RUVBL1: variants seen among roughly 807,000 people sequenced by gnomAD.
RUVBL1 encodes the protein RuvB like AAA ATPase 1.
A neutral mutation model predicts 52.4 loss-of-function variants in RUVBL1; 4 were observed. The ratio of observed to expected loss-of-function variants is 0.08; its 90% CI spans 0.04 to 0.17. The LOEUF is 0.17. RUVBL1 is among the 10% of genes least tolerant of loss of function. The pLI, the probability that RUVBL1 is intolerant of heterozygous loss-of-function variation, is 1.00. For synonymous variants in RUVBL1, 217 were observed against 214.4 expected (o/e 1.01, Z -0.10); for missense variants, 298 against 572.8 (o/e 0.52, Z 4.90).
chr3:128,125,250 C>G (rs969856114), upstream of RUVBL1, among the ~76,000 whole-genome samples: 16 of 151,900 alleles, frequency 1.1e-4, no homozygotes, highest in African/African-American at 3.6e-4. Context: ...CTCCTGACCT[C>G]GTGATCCGCC....
chr3:128,093,643 A>G (rs1032920369), intron 8 of RUVBL1, among the ~76,000 whole-genome samples: 1 of 152,206 alleles, frequency 6.6e-6, no homozygotes, highest in Non-Finnish European at 1.5e-5. Context: ...CTATACCTCA[A>G]TATGAAGAGA....
chr3:128,085,960 C>G (rs904425898), intron 9 of RUVBL1, among the ~76,000 whole-genome samples: 1 of 152,210 alleles, frequency 6.6e-6, no homozygotes, highest in Non-Finnish European at 1.5e-5. Flanking sequence ...TAGCCACTGA[C>G]TAATGTTATG....
intron 5 of RUVBL1, 47 bp downstream of exon 5, chr3:128,101,512 A>C (rs766208182): frequency 2.5e-6 from 4 of 1,573,166 alleles, no homozygotes; most frequent in Non-Finnish European, 3.5e-6. Context: ...AGGTCTTCTC[A>C]TGGCAAACAA....
In RUVBL1 at chr3:128,147,366, T is replaced by C. The variant is rs144498922; in HGVS notation, c.-40+5837A>G. On this transcript the variant is annotated intron_variant, in intron 1 of 9. Coordinates refer to the RUVBL1 transcript ENST00000464873. The stretch of plus-strand genomic sequence containing the variant: ...ATTACAGGCATGAGCCACCACATCC[T>C]GCAAGAAAAGCTAAAATTAAAAACA... Among the ~76,000 whole-genome samples, 1,047 of 152,220 alleles carry C rather than the reference T, an allele frequency of 6.9e-3. 14 individuals are homozygous for C. Among genetic ancestry groups the C allele is most frequent in the African/African-American group, 0.023 (966 of 41,528 alleles).
chr3:128,067,500 G>C lies in RUVBL1; in HGVS notation c.940-2280C>G. The stretch of plus-strand genomic sequence containing the variant: ...TACCTGTCCCCTCCAGAATCTTTTG[G>C]CTCCGTGTTAGAAGACCCGGTCCAT... On this transcript the variant is annotated intron_variant, in intron 9 of 9. Transcript: ENST00000464873. The surrounding 1 kb of genome is among the most constrained non-coding windows in gnomAD (Gnocchi z 4.1). 6.2e-7 allele frequency: 1 copy of C among 1,614,100 alleles called. No homozygotes were observed. The highest frequency in any genetic ancestry group is 1.1e-5 in the South Asian group (1 of 91,088).
chr3:128,085,856 G>C (rs963234828), intron 9 of RUVBL1, among the ~76,000 whole-genome samples: 1 of 152,228 alleles, frequency 6.6e-6, no homozygotes, highest in African/African-American at 2.4e-5. Flanking sequence ...TGAGATGAGA[G>C]ATTTCTAGCA....
At chr3:128,087,463 G>A (rs1259238173) in intron 9 of RUVBL1, among the ~76,000 whole-genome samples, 5 of 152,170 alleles carry the variant, frequency 3.3e-5, no homozygotes, top group Non-Finnish European at 7.3e-5. Flanking sequence ...GCAGAAAAGC[G>A]AACAGCCAAG....
chr3:128,128,455 G>A (rs56050323), upstream of RUVBL1, among the ~76,000 whole-genome samples: 21,525 of 152,166 alleles, frequency 0.14, 1,736 homozygotes, highest in African/African-American at 0.21. Flanking sequence ...GTCCTTCTAT[G>A]ATGTGGCTCT....
At chr3:128,069,428 CG>C in intron 9 of RUVBL1, 2 of 1,570,756 alleles carry the variant, frequency 1.3e-6, no homozygotes. Flanking sequence ...GCCTGGCTCA[CG>C]GGGAGCTCTG....
At chr3:128,098,184 C>T (rs578184131) in intron 7 of RUVBL1, among the ~76,000 whole-genome samples, 2 of 152,202 alleles carry the variant, frequency 1.3e-5, no homozygotes, top group South Asian at 4.1e-4. Flanking sequence ...GGGAGCAGCT[C>T]ACAAATAGAA....
intron 1 of RUVBL1, among the ~76,000 whole-genome samples, chr3:128,141,638 A>T (rs932247180): frequency 2.6e-5 from 4 of 152,300 alleles, no homozygotes; most frequent in African/African-American, 2.4e-5. Flanking sequence ...CTGGGATTAC[A>T]GATGCCCACT....
At position 128,081,114 on chromosome 3, in the gene RUVBL1, TC is replaced by T; in HGVS notation, c.*135del. The stretch of plus-strand genomic sequence containing the variant: ...TACGATAACTTAAAAAGAAATGCTT[TC>T]CACACTGAACTGACAGCGCTGCAGA... On this transcript the variant is annotated 3_prime_UTR_variant, in exon 11 of 11. Coordinates refer to ENST00000322623, the MANE Select transcript of RUVBL1 (RefSeq NM_003707.3). This position sits in a 1 kb window ranked among gnomAD's most constrained non-coding sequence, Gnocchi z 4.8. 1.3e-6 allele frequency: 1 copy of T among 774,586 alleles called. No individual in the cohort carries two copies. The highest frequency in any genetic ancestry group is 2.0e-6 in the Non-Finnish European group (1 of 493,430). 48.0% of individuals were successfully genotyped at this position (774,586 alleles called of 1,614,324 possible).
At chr3:128,121,296 A>T (rs1463991862) in intron 1 of RUVBL1, among the ~76,000 whole-genome samples, 1 of 151,558 alleles carries the variant, frequency 6.6e-6, no homozygotes, top group East Asian at 2.0e-4. Context: ...GGGTTTCGTC[A>T]TGTTGGCCAG....
rs746436666 is a variant in RUVBL1, at chr3:128,101,541, T to C, written c.603+18A>G. 1.2e-6 allele frequency: 2 copies of C among 1,609,332 alleles called. No homozygotes were observed. The highest frequency in any genetic ancestry group is 1.7e-6 in the Non-Finnish European group (2 of 1,175,834). On this transcript the variant is annotated intron_variant, in intron 5 of 10. Transcript: ENST00000322623. ...CAAACAAATCAGGGACAATGCTGTG[T>C]CCCAAGGAAGGCATTACCTTCACGG...
chr3:128,148,294 G>A (rs1023729441), intron 1 of RUVBL1, among the ~76,000 whole-genome samples: 1 of 152,166 alleles, frequency 6.6e-6, no homozygotes. Flanking sequence ...TGGTAGAGAT[G>A]TTCAGAGGGG....
intron 7 of RUVBL1, 83 bp downstream of exon 7, chr3:128,098,799 G>A (rs969930654): frequency 1.1e-5 from 13 of 1,142,008 alleles, no homozygotes; most frequent in South Asian, 2.5e-5. Flanking sequence ...CAGGGCGACT[G>A]TGCTCACAGA....
chr3:128,118,526 C>T (rs1350607531), intron 2 of RUVBL1, among the ~76,000 whole-genome samples: 1 of 152,204 alleles, frequency 6.6e-6, no homozygotes, highest in Non-Finnish European at 1.5e-5. Context: ...ACCCCAAGCT[C>T]CTACTTGCCC....
intron 2 of RUVBL1, among the ~76,000 whole-genome samples, chr3:128,115,926 G>C (rs915615965): frequency 6.6e-6 from 1 of 151,904 alleles, no homozygotes; most frequent in African/African-American, 2.4e-5. Context: ...AGGAGTTCAA[G>C]ACCAGCCTGG....
At chr3:128,153,820 G>C (rs1444846548) in exon 1 of RUVBL1, 2 of 1,510,484 alleles carry the variant, frequency 1.3e-6, no homozygotes, top group Non-Finnish European at 1.8e-6. Context: ...GACCATCATC[G>C]GCGGTGAGCG....
Sources: allele counts gnomAD v4.1 joint callset (sites outside exome capture counted in the v4.1 genomes callset), GRCh38; gene constraint gnomAD v4.1.1; non-coding constraint Gnocchi (gnomAD v3.1); transcripts MANE v1.5; gene names NCBI Gene and HGNC (gene_info 2026-07-23, HGNC 2026-07-21).